Variants in PDE2A observed in about 807,000 individuals in gnomAD.
PDE2A encodes cGMP-dependent 3',5'-cyclic phosphodiesterase.
A neutral mutation model predicts 133.6 loss-of-function variants in PDE2A; 53 were observed. The observed-to-expected ratio is 0.40, with a 90% CI of 0.32 to 0.50. The LOEUF (loss-of-function observed/expected upper bound fraction) is 0.50, where lower values mean the gene tolerates loss of function less well. Among genes scored for constraint, PDE2A ranks in the 20% least tolerant of loss-of-function variants. The pLI is 0.73. For missense variants in PDE2A, 796 were observed against 1,232.4 expected (o/e 0.65, Z 5.30); for synonymous variants, 491 against 490.2 (o/e 1.00, Z -0.02).
At chr11:72,666,442 A>G (rs763976363) in intron 1 of PDE2A, among the ~76,000 whole-genome samples, 3 of 152,086 alleles carry the variant, frequency 2.0e-5, no homozygotes, top group Non-Finnish European at 2.9e-5. Flanking sequence ...TAGCTGCCCA[A>G]TCCGATAGAC....
intron 2 of PDE2A, among the ~76,000 whole-genome samples, chr11:72,611,473 C>T (rs1453339149): frequency 1.3e-5 from 2 of 152,174 alleles, no homozygotes; most frequent in Admixed American, 1.3e-4. Flanking sequence ...TTGGGGAATG[C>T]CCTCAACTGT....
At chr11:72,581,791 A>G in intron 22 of PDE2A, 86 bp downstream of exon 22, 1 of 1,272,358 alleles carries the variant, frequency 7.9e-7, no homozygotes, top group Non-Finnish European at 1.1e-6. Flanking sequence ...CCTTAGAGAG[A>G]TCCTCTCCAG....
chr11:72,589,890 T>C lies in PDE2A; in HGVS notation c.831+17A>G. The C allele has an allele frequency of 1.9e-6, 3 of 1,611,700 alleles. No homozygotes were observed. The highest frequency in any genetic ancestry group is 1.1e-5 in the South Asian group (1 of 90,634). ...GCCCAGCCCCGCCCCCGCTCTACAG[T>C]GGACCTGGGCCCTCACCTTGCAAGA... On this transcript the variant is annotated intron_variant, in intron 10 of 30. Coordinates refer to ENST00000334456, the MANE Select transcript of PDE2A (RefSeq NM_002599.5).
chr11:72,596,737 G>T, intron 5 of PDE2A, 89 bp from the exon 6 acceptor site: 2 of 772,158 alleles, frequency 2.6e-6, no homozygotes, highest in Non-Finnish European at 3.8e-6. Flanking sequence ...AGACAAAGAT[G>T]CAGACAAAGA....
intron 2 of PDE2A, among the ~76,000 whole-genome samples, chr11:72,619,169 A>G (rs1857624326): frequency 6.6e-6 from 1 of 152,184 alleles, no homozygotes; most frequent in African/African-American, 2.4e-5. Context: ...TGAAAAGATG[A>G]TGATGCCCTC....
chr11:72,581,578 C>A, intron 22 of PDE2A, 99 bp from the exon 23 acceptor site: 1 of 1,296,148 alleles, frequency 7.7e-7, no homozygotes, highest in Non-Finnish European at 1.1e-6. Context: ...CCTGAGGGAC[C>A]CTCCACAGCC....
intron 2 of PDE2A, among the ~76,000 whole-genome samples, chr11:72,615,338 G>A (rs7926573): frequency 1.7e-3 from 255 of 152,362 alleles, no homozygotes; most frequent in African/African-American, 5.9e-3. Flanking sequence ...CAGGAGCTAG[G>A]TTTGGGGGTG....
intron 4 of PDE2A, among the ~76,000 whole-genome samples, chr11:72,599,872 C>T (rs1178392243): frequency 6.6e-6 from 1 of 152,180 alleles, no homozygotes; most frequent in Non-Finnish European, 1.5e-5. Context: ...GATGAGAGCT[C>T]TGCCAAAGGC....
At chr11:72,667,217 A>G (rs1855262621) in intron 1 of PDE2A, among the ~76,000 whole-genome samples, 1 of 152,178 alleles carries the variant, frequency 6.6e-6, no homozygotes, top group South Asian at 2.1e-4. Flanking sequence ...GCATACACAT[A>G]TGCACAACTG....
At chr11:72,607,677 C>A (rs1857032316) in intron 3 of PDE2A, among the ~76,000 whole-genome samples, 1 of 152,114 alleles carries the variant, frequency 6.6e-6, no homozygotes, top group Non-Finnish European at 1.5e-5. Context: ...TCTCTCTGGG[C>A]CTCCGGTGGT....
chr11:72,670,056 C>T (rs1855350519), intron 1 of PDE2A, among the ~76,000 whole-genome samples: 1 of 152,192 alleles, frequency 6.6e-6, no homozygotes, highest in Non-Finnish European at 1.5e-5. Flanking sequence ...CCCAGCCTGG[C>T]ACTTCATGCC....
chr11:72,581,003 A>G (rs1046658069), intron 23 of PDE2A, 30 bp from the exon 24 acceptor site: 3 of 1,486,956 alleles, frequency 2.0e-6, no homozygotes, highest in Middle Eastern at 1.7e-4. Context: ...GAGAAAAAAA[A>G]GAGGTCAGCC....
At chr11:72,588,748 A>T (rs762408290) in intron 13 of PDE2A, 36 bp downstream of exon 13, 1 of 1,561,188 alleles carries the variant, frequency 6.4e-7, no homozygotes, top group Admixed American at 1.8e-5. Flanking sequence ...CCTCTCAGTG[A>T]CATCTCCTGA....
chr11:72,592,119 C>T (rs1437545905), intron 6 of PDE2A, among the ~76,000 whole-genome samples: 3 of 152,180 alleles, frequency 2.0e-5, no homozygotes, highest in Non-Finnish European at 4.4e-5. Context: ...ATCTTTCATA[C>T]TCTGTGAAGT....
At chr11:72,630,744 G>A (rs111821347) in intron 2 of PDE2A, among the ~76,000 whole-genome samples, 135 of 152,052 alleles carry the variant, frequency 8.9e-4, no homozygotes, top group African/African-American at 2.9e-3. Context: ...CCAAGCAGGC[G>A]GCAGAATGGA....
Position 72,578,811 on chromosome 11 carries a change from G to T in PDE2A, c.2469+86C>A. On this transcript the variant is annotated intron_variant, in intron 28 of 30. Coordinates refer to ENST00000334456, the MANE Select transcript of PDE2A (RefSeq NM_002599.5). This position sits in a 1 kb window ranked among gnomAD's most constrained non-coding sequence, Gnocchi z 4.2. ...CCAGAACACAGCCAGGCTGAGCTGA[G>T]CAGAGAGAGGGTATTCAGGCACAGG... is the stretch of plus-strand genomic sequence containing the variant. 1 of 809,812 alleles carries T rather than the reference G, an allele frequency of 1.2e-6. No individual in the cohort carries two copies. The highest frequency in any genetic ancestry group is 2.1e-6 in the Non-Finnish European group (1 of 467,128). The allele number at this position is 809,812 out of a possible 1,614,324, so 50.2% of individuals were successfully genotyped here. A position where few individuals can be genotyped will look rare whatever the true frequency, so the allele number is the denominator to read the frequency against.
In PDE2A at chr11:72,590,368, C is replaced by T. The variant is rs765846687; in HGVS notation, c.703+59G>A. The T allele has an allele frequency of 6.4e-7, 1 of 1,550,426 alleles. No homozygotes were observed. The highest frequency in any genetic ancestry group is 8.7e-7 in the Non-Finnish European group (1 of 1,145,268). On this transcript the variant is annotated intron_variant, in intron 8 of 30. Coordinates refer to ENST00000334456, the MANE Select transcript of PDE2A (RefSeq NM_002599.5). This position sits in a 1 kb window ranked among gnomAD's most constrained non-coding sequence, Gnocchi z 4.8. ...CTCCCGGGATCGCCTAACCCGCCCA[C>T]CTCCCCTCCAAGTTCTGCCCGGCCC...
chr11:72,659,768 C>G (rs530344728), intron 1 of PDE2A, among the ~76,000 whole-genome samples: 8 of 152,232 alleles, frequency 5.3e-5, no homozygotes, highest in African/African-American at 1.7e-4. Flanking sequence ...CAGGGCACAC[C>G]TGGTCAAAGG....
At position 72,590,143 on chromosome 11, in the gene PDE2A, C is replaced by T. The variant is rs1205876975; in HGVS notation, c.756+49G>A. On this transcript the variant is annotated intron_variant, in intron 9 of 30. Coordinates refer to ENST00000334456, the MANE Select transcript of PDE2A (RefSeq NM_002599.5). This position sits in a 1 kb window ranked among gnomAD's most constrained non-coding sequence, Gnocchi z 4.8. ...GAGGGCTCAAGGGGAAGTTGGTCCCCGGAGGGAGACAGGACGGGGAGGTGG... is the reference window on the plus strand; with the variant it reads ...GAGGGCTCAAGGGGAAGTTGGTCCCTGGAGGGAGACAGGACGGGGAGGTGG... 1.3e-6 allele frequency: 2 copies of T among 1,515,790 alleles called. No individual in the cohort carries two copies. 93.9% of individuals were successfully genotyped at this position (1,515,790 alleles called of 1,614,324 possible). A position where few individuals can be genotyped will look rare whatever the true frequency, so the allele number is the denominator to read the frequency against.
Sources: gnomAD v4.1 joint callset for allele counts (sites outside exome capture counted in the v4.1 genomes callset) on GRCh38, gnomAD v4.1.1 for gene constraint, Gnocchi (gnomAD v3.1) non-coding constraint, MANE v1.5 for transcripts, NCBI Gene and HGNC (gene_info 2026-07-23, HGNC 2026-07-21) for gene names.